Variants in JAZF1 observed in about 807,000 individuals in gnomAD.
JAZF1 encodes the protein JAZF zinc finger 1, also known as juxtaposed with another zinc finger protein 1.
JAZF1 carries 8 observed loss-of-function variants against 26.4 expected under a neutral mutation model. The ratio of observed to expected loss-of-function variants is 0.30; its 90% CI spans 0.18 to 0.55. JAZF1 has a LOEUF of 0.55. Ranked by LOEUF, JAZF1 falls within the 20% of genes least tolerant of loss-of-function variation. The pLI is 0.94. For missense variants in JAZF1, 199 were observed against 322.0 expected (o/e 0.62, Z 2.92); for synonymous variants, 126 against 122.3 (o/e 1.03, Z -0.20).
intron 2 of JAZF1, among the ~76,000 whole-genome samples, chr7:27,917,421 C>T (rs760373678): frequency 9.9e-5 from 15 of 152,194 alleles, no homozygotes; most frequent in Non-Finnish European, 1.8e-4. Context: ...CAACTGCTTC[C>T]ATTAGCTTAG....
chr7:28,088,529 T>C (rs1363060087), intron 1 of JAZF1, among the ~76,000 whole-genome samples: 1 of 152,220 alleles, frequency 6.6e-6, no homozygotes, highest in Non-Finnish European at 1.5e-5. Context: ...TAAGTCCCAA[T>C]TTTAATAATA....
At chr7:27,978,759 G>A (rs1046027461) in intron 2 of JAZF1, among the ~76,000 whole-genome samples, 1 of 152,098 alleles carries the variant, frequency 6.6e-6, no homozygotes, top group Non-Finnish European at 1.5e-5. Context: ...CATAGCAGAG[G>A]ATCTGATAAA....
chr7:28,079,186 T>C (rs1309990919), intron 1 of JAZF1, among the ~76,000 whole-genome samples: 1 of 152,028 alleles, frequency 6.6e-6, no homozygotes, highest in Non-Finnish European at 1.5e-5. Flanking sequence ...AGAGACAGGG[T>C]TTCACCAAGT....
At chr7:27,906,128 G>A (rs529559219) in intron 2 of JAZF1, among the ~76,000 whole-genome samples, 2 of 152,132 alleles carry the variant, frequency 1.3e-5, no homozygotes. Context: ...CTAAGCAAAC[G>A]AAAGAAGGCA....
chr7:28,142,620 C>G (rs1369451727), intron 1 of JAZF1, among the ~76,000 whole-genome samples: 2 of 152,196 alleles, frequency 1.3e-5, no homozygotes, highest in South Asian at 4.1e-4. Flanking sequence ...TGCAGTAAGA[C>G]ATCAAGTATA....
intron 1 of JAZF1, among the ~76,000 whole-genome samples, chr7:28,044,894 G>A (rs1783468947): frequency 6.6e-6 from 1 of 152,110 alleles, no homozygotes. Context: ...TTGGAATATG[G>A]TACTCTTGGG....
intron 3 of JAZF1, chr7:27,844,689 G>A (rs572782467): frequency 6.6e-6 from 1 of 152,282 alleles, no homozygotes; most frequent in South Asian, 2.1e-4. Flanking sequence ...CTTAATACAG[G>A]AATAGTTTTA....
intron 1 of JAZF1, among the ~76,000 whole-genome samples, chr7:28,050,256 T>C (rs773535025): frequency 1.1e-4 from 17 of 152,156 alleles, no homozygotes; most frequent in Non-Finnish European, 2.2e-4. Flanking sequence ...CAGAAACCAA[T>C]ATATTTCTAT....
At chr7:28,095,537 T>C (rs771976122) in intron 1 of JAZF1, among the ~76,000 whole-genome samples, 6 of 152,174 alleles carry the variant, frequency 3.9e-5, no homozygotes, top group Non-Finnish European at 7.4e-5. Flanking sequence ...GGTCTCTCCT[T>C]TGACACGTGG....
At chr7:27,894,357 T>G (rs959601971) in intron 3 of JAZF1, among the ~76,000 whole-genome samples, 4 of 152,224 alleles carry the variant, frequency 2.6e-5, no homozygotes, top group African/African-American at 9.7e-5. Flanking sequence ...TTGAGACATG[T>G]AAGTCTACCA....
At chr7:27,904,530 A>T (rs905529642) in intron 2 of JAZF1, among the ~76,000 whole-genome samples, 6 of 152,224 alleles carry the variant, frequency 3.9e-5, no homozygotes, top group African/African-American at 1.4e-4. Context: ...ATTTCCAAAT[A>T]ACATTAATTT....
chr7:28,092,793 C>G (rs907728726), intron 1 of JAZF1, among the ~76,000 whole-genome samples: 2 of 150,892 alleles, frequency 1.3e-5, no homozygotes, highest in Admixed American at 1.3e-4. Context: ...CTGGGAAGAT[C>G]GAGGCTGCAG....
chr7:28,130,541 T>C (rs1026019730), intron 1 of JAZF1, among the ~76,000 whole-genome samples: 1 of 152,182 alleles, frequency 6.6e-6, no homozygotes, highest in Non-Finnish European at 1.5e-5. Context: ...ATCAGACAGC[T>C]TGTAAAAGCT....
chr7:27,967,559 C>T (rs1785299697), intron 2 of JAZF1, among the ~76,000 whole-genome samples: 1 of 152,054 alleles, frequency 6.6e-6, no homozygotes, highest in African/African-American at 2.4e-5. Flanking sequence ...TAACAATCTA[C>T]AAAAACATAG....
chr7:27,961,766 T>C (rs924764453), intron 2 of JAZF1, among the ~76,000 whole-genome samples: 1 of 152,216 alleles, frequency 6.6e-6, no homozygotes, highest in African/African-American at 2.4e-5. Context: ...ACAGTTCCAG[T>C]AGGAGCTCCG....
intron 1 of JAZF1, among the ~76,000 whole-genome samples, chr7:28,057,953 T>C (rs1205745257): frequency 6.6e-6 from 1 of 152,212 alleles, no homozygotes; most frequent in Non-Finnish European, 1.5e-5. Context: ...TAATTCCAGT[T>C]CTTGTTTCAT....
chr7:27,877,097 GC>G (rs550033639), intron 3 of JAZF1, among the ~76,000 whole-genome samples: 2 of 152,170 alleles, frequency 1.3e-5, no homozygotes, highest in Non-Finnish European at 2.9e-5. Context: ...TTTGGCAGAG[GC>G]CGCTGCTGGA....
chr7:27,896,170 T>C (rs553595957), intron 2 of JAZF1, among the ~76,000 whole-genome samples: 2 of 152,382 alleles, frequency 1.3e-5, no homozygotes, highest in Non-Finnish European at 2.9e-5. Flanking sequence ...AGGTGACTTT[T>C]CCTGATAGTT....
At chr7:28,072,772 C>T (rs1783996263) in intron 1 of JAZF1, among the ~76,000 whole-genome samples, 1 of 152,012 alleles carries the variant, frequency 6.6e-6, no homozygotes, top group African/African-American at 2.4e-5. Context: ...ATGAGTTTAC[C>T]TTTCTTTGTA....
Sources: allele counts gnomAD v4.1 joint callset (sites outside exome capture counted in the v4.1 genomes callset), GRCh38; gene constraint gnomAD v4.1.1; transcripts MANE v1.5; gene names NCBI Gene and HGNC (gene_info 2026-07-23, HGNC 2026-07-21).